Variants in HECW2 observed in about 807,000 individuals in gnomAD.
HECW2 encodes HECT, C2 and WW domain containing E3 ubiquitin protein ligase 2.
Under a neutral mutation model 175.2 loss-of-function variants are expected in HECW2, and 61 were observed. That is an observed-to-expected ratio of 0.35 (90% CI 0.28 to 0.43). The LOEUF (loss-of-function observed/expected upper bound fraction) is 0.43, where lower values mean the gene tolerates loss of function less well. Among genes scored for constraint, HECW2 ranks in the 20% least tolerant of loss-of-function variants. HECW2 has a pLI of 1.00. For missense variants in HECW2, 1,524 were observed against 2,000.5 expected (o/e 0.76, Z 4.54); for synonymous variants, 671 against 731.0 (o/e 0.92, Z 1.32).
chr2:196,330,647 A>C (rs990904377), intron 4 of HECW2, among the ~76,000 whole-genome samples: 3 of 152,114 alleles, frequency 2.0e-5, no homozygotes, highest in African/African-American at 7.2e-5. Flanking sequence ...TTGATATCAG[A>C]TCGAACTCCT....
chr2:196,297,812 A>G (rs1257643284), intron 13 of HECW2, among the ~76,000 whole-genome samples: 6 of 152,222 alleles, frequency 3.9e-5, no homozygotes, highest in Non-Finnish European at 7.3e-5. Flanking sequence ...ATATATACAA[A>G]ATCAAGAAAT....
chr2:196,586,475 C>G (rs975706524), intron 1 of HECW2: 2 of 152,270 alleles, frequency 1.3e-5, no homozygotes, highest in African/African-American at 4.8e-5. Flanking sequence ...CAGTCTTACA[C>G]TCACTGCCCA....
chr2:196,538,651 C>T (rs1025561801), intron 1 of HECW2, among the ~76,000 whole-genome samples: 7 of 152,094 alleles, frequency 4.6e-5, no homozygotes, highest in African/African-American at 1.7e-4. Flanking sequence ...AAAAAAATGA[C>T]TTGTCTTATT....
intron 15 of HECW2, among the ~76,000 whole-genome samples, chr2:196,276,032 T>C (rs1292667361): frequency 6.6e-6 from 1 of 152,220 alleles, no homozygotes; most frequent in South Asian, 2.1e-4. Flanking sequence ...TAAGTACAGA[T>C]TGTTAGTCAG....
chr2:196,228,572 G>C (rs1179531918), intron 21 of HECW2, among the ~76,000 whole-genome samples: 6 of 152,218 alleles, frequency 3.9e-5, no homozygotes, highest in Non-Finnish European at 7.3e-5. Context: ...GTATAAAGAG[G>C]TAAATCTTTC....
At chr2:196,495,979 A>C (rs924533516) in intron 1 of HECW2, among the ~76,000 whole-genome samples, 14 of 152,188 alleles carry the variant, frequency 9.2e-5, no homozygotes, top group Non-Finnish European at 1.5e-4. Flanking sequence ...ATGCCACTGA[A>C]GGTTTTAGAA....
At chr2:196,472,069 C>T (rs1280702058) in intron 1 of HECW2, among the ~76,000 whole-genome samples, 1 of 151,252 alleles carries the variant, frequency 6.6e-6, no homozygotes, top group East Asian at 1.9e-4. Flanking sequence ...TTAGAGAATG[C>T]AGCTGTGGGA....
intron 8 of HECW2, 138 bp from the exon 9 acceptor site, chr2:196,320,042 C>T: frequency 4.7e-6 from 4 of 845,588 alleles, no homozygotes; most frequent in Non-Finnish European, 7.1e-6. Flanking sequence ...TAAGATTCAC[C>T]ACTCACTACT....
At chr2:196,540,457 G>A (rs775091050) in intron 1 of HECW2, among the ~76,000 whole-genome samples, 14 of 151,474 alleles carry the variant, frequency 9.2e-5, no homozygotes, top group African/African-American at 1.2e-4. Flanking sequence ...TTTATTTTTA[G>A]AGACAGGTTC....
chr2:196,276,683 G>A (rs1689969164), intron 15 of HECW2, among the ~76,000 whole-genome samples: 1 of 152,188 alleles, frequency 6.6e-6, no homozygotes, highest in African/African-American at 2.4e-5. Context: ...TGGGTTACAT[G>A]ACAGCAAGGT....
At chr2:196,306,458 C>T (rs1691266380) in intron 13 of HECW2, 30 bp downstream of exon 13, 1 of 1,583,788 alleles carries the variant, frequency 6.3e-7, no homozygotes, top group Non-Finnish European at 8.6e-7. Context: ...CTGCTGTTTT[C>T]CTTCACACTC....
At chr2:196,461,376 GT>G (rs1696737016) in intron 1 of HECW2, among the ~76,000 whole-genome samples, 1 of 152,162 alleles carries the variant, frequency 6.6e-6, no homozygotes, top group African/African-American at 2.4e-5. Flanking sequence ...GCTCACAAGG[GT>G]AGAGAACAAC....
intron 2 of HECW2, among the ~76,000 whole-genome samples, chr2:196,423,412 C>T (rs1179805090): frequency 6.6e-6 from 1 of 152,082 alleles, no homozygotes; most frequent in Non-Finnish European, 1.5e-5. Context: ...GTGATCTCAA[C>T]AATTGATAAC....
intron 1 of HECW2, among the ~76,000 whole-genome samples, chr2:196,439,792 G>T (rs1388723677): frequency 1.3e-5 from 2 of 152,190 alleles, no homozygotes; most frequent in Non-Finnish European, 2.9e-5. Flanking sequence ...AACGTAATCT[G>T]AGAGTTTATG....
At chr2:196,386,519 T>C in intron 2 of HECW2, among the ~76,000 whole-genome samples, 1 of 152,194 alleles carries the variant, frequency 6.6e-6, no homozygotes, top group African/African-American at 2.4e-5. Context: ...GACCACCTGT[T>C]TGAATTAGCT....
At chr2:196,454,276 A>G (rs1020984082) in intron 1 of HECW2, among the ~76,000 whole-genome samples, 7 of 152,236 alleles carry the variant, frequency 4.6e-5, no homozygotes, top group Non-Finnish European at 8.8e-5. Context: ...TGATGTATAA[A>G]TAAGGTGAAA....
chr2:196,384,516 A>G (rs1007246135), intron 2 of HECW2, among the ~76,000 whole-genome samples: 3 of 152,180 alleles, frequency 2.0e-5, no homozygotes, highest in Non-Finnish European at 4.4e-5. Context: ...CGGGAGGCAG[A>G]TGCTGCAGTG....
chr2:196,582,772 A>G (rs748498478), intron 1 of HECW2, among the ~76,000 whole-genome samples: 7 of 152,204 alleles, frequency 4.6e-5, no homozygotes, highest in Admixed American at 2.6e-4. Flanking sequence ...AAAACAGTAT[A>G]CTTAACCAAC....
Position 196,445,758 on chromosome 2 carries a change from C to T in HECW2, c.-35-12300G>A, listed in dbSNP as rs889576748. 2.6e-5 allele frequency among the ~76,000 whole-genome samples: 4 copies of T among 152,066 alleles called. No homozygotes were observed. In the East Asian group the frequency reaches 7.7e-4, roughly 29 times the overall value. Reference sequence around the variant, plus strand: ...GGTGGACCTTGAAAGATATGAAGGCCATGAAACATGGCATGCATTTTAGGC... The same window carrying T: ...GGTGGACCTTGAAAGATATGAAGGCTATGAAACATGGCATGCATTTTAGGC... On this transcript the variant is annotated intron_variant, in intron 1 of 28. Coordinates refer to ENST00000644978, the MANE Select transcript of HECW2 (RefSeq NM_001348768.2).
Sources: gnomAD v4.1 joint callset for allele counts (sites outside exome capture counted in the v4.1 genomes callset) on GRCh38, gnomAD v4.1.1 for gene constraint, MANE v1.5 for transcripts, NCBI Gene and HGNC (gene_info 2026-07-23, HGNC 2026-07-21) for gene names.